The following IAPP variants were observed in gnomAD, a reference collection of about 807,000 sequenced individuals.
IAPP encodes the protein islet amyloid polypeptide.
IAPP carries 4 observed loss-of-function variants against 2.9 expected under a neutral mutation model. The ratio of observed to expected loss-of-function variants is 1.39; its 90% CI spans 0.69 to 3.19. The LOEUF (loss-of-function observed/expected upper bound fraction) is 3.19. Among genes scored for constraint, IAPP ranks in the 30% most tolerant of loss-of-function variants. The pLI is 0.01. For missense variants in IAPP, 114 were observed against 105.3 expected (o/e 1.08, Z -0.36); for synonymous variants, 40 against 42.1 (o/e 0.95, Z 0.19).
At chr12:21,370,151 G>A (rs574314249), upstream of IAPP, among the ~76,000 whole-genome samples, 2 of 151,994 alleles carry the variant, frequency 1.3e-5, no homozygotes, top group African/African-American at 4.8e-5. Context: ...TTCTGCTCCT[G>A]AGTAGCTCTG....
rs1368478122 is a variant in IAPP, at chr12:21,373,367, C to A, written c.16C>A (p.Leu6Met). Residue 6 changes from leucine (L) to methionine (M), a missense_variant, in exon 2 of 3, where the codon CTG becomes ATG. By Grantham distance (15) the Leu-to-Met change is conservative. Transcript: ENST00000240652. MGILK[L>M]QVFLIVLSVA... ...TTGAGAAGCAATGGGCATCCTGAAG[C>A]TGCAAGTATTTCTCATTGTGCTCTC... is the stretch of plus-strand genomic sequence containing the variant. 1.2e-6 allele frequency: 2 copies of A among 1,612,876 alleles called. No homozygotes were observed. Among genetic ancestry groups the A allele is most frequent in the Non-Finnish European group, 1.7e-6 (2 of 1,179,002 alleles).
upstream of IAPP, among the ~76,000 whole-genome samples, chr12:21,370,706 G>A (rs553854015): frequency 1.0e-3 from 157 of 152,206 alleles, 2 homozygotes; most frequent in African/African-American, 3.4e-3. Context: ...AACAATGTAG[G>A]TAATAAGCAA....
chr12:21,373,520 G>C (rs1291911541), intron 2 of IAPP, 89 bp downstream of exon 2: 6 of 876,082 alleles, frequency 6.8e-6, no homozygotes, highest in Admixed American at 5.3e-5. Context: ...TACAGCCTTA[G>C]ATTTCTGACT....
chr12:21,373,483 A>G (rs1390796559), intron 2 of IAPP, 52 bp downstream of exon 2: 1 of 1,229,212 alleles, frequency 8.1e-7, no homozygotes, highest in Non-Finnish European at 1.2e-6. Context: ...AGTGTGAGAA[A>G]ATTAGAATTA....
upstream of IAPP, among the ~76,000 whole-genome samples, chr12:21,371,401 A>ATT (rs71444118): frequency 6.6e-6 from 1 of 151,608 alleles, no homozygotes; most frequent in Non-Finnish European, 1.5e-5. Context: ...ATTTCTTTTG[A>ATT]TTTTTTTTCT....
At chr12:21,366,855 A>G (rs73080811) in intron 1 of IAPP, among the ~76,000 whole-genome samples, 10,398 of 152,102 alleles carry the variant, frequency 0.068, 401 homozygotes, top group Middle Eastern at 0.14. Context: ...GAGATTAAAA[A>G]TAGTGAAAAT....
upstream of IAPP, among the ~76,000 whole-genome samples, chr12:21,368,298 C>T (rs1479087572): frequency 2.0e-5 from 3 of 152,088 alleles, no homozygotes; most frequent in South Asian, 2.1e-4. Context: ...AATGATACCA[C>T]ACGTATGCCA....
intron 2 of IAPP, chr12:21,373,744 C>A (rs1565521309): frequency 2.9e-6 from 2 of 700,508 alleles, no homozygotes; most frequent in Non-Finnish European, 5.2e-6. Context: ...GTAGTAATTT[C>A]TTCTATATTA....
In IAPP at chr12:21,372,913, T is replaced by C; in HGVS notation, c.-107T>C. 5.0e-6 allele frequency: 1 copy of C among 201,150 alleles called. No homozygotes were observed. 12.5% of individuals were successfully genotyped at this position (201,150 alleles called of 1,614,324 possible). A position where few individuals can be genotyped will look rare whatever the true frequency, so the allele number is the denominator to read the frequency against. On this transcript the variant is annotated 5_prime_UTR_variant, in exon 1 of 3. Transcript: ENST00000240652. The stretch of plus-strand genomic sequence containing the variant: ...ACTAGTTAGCAAATGAGGGGGTAAA[T>C]ATTCCAGTGGATACAAGCTTGGACT...
intron 2 of IAPP, among the ~76,000 whole-genome samples, chr12:21,377,807 G>A (rs1375077032): frequency 1.3e-5 from 2 of 151,976 alleles, no homozygotes; most frequent in Non-Finnish European, 2.9e-5. Flanking sequence ...AAGTAATGCT[G>A]CTTTATTCTT....
intron 1 of IAPP, among the ~76,000 whole-genome samples, chr12:21,364,922 T>G (rs1939246202): frequency 6.6e-6 from 1 of 152,094 alleles, no homozygotes; most frequent in African/African-American, 2.4e-5. Context: ...GAAGAACATT[T>G]CATGCTCGTG....
rs117701959 is a variant in IAPP at position 21,374,743 on chromosome 12, A to C, written c.80+1312A>C. ...TCCTAGTATATCTGTTTATATCTTG[A>C]TACTTTCTTTCAATAGATATAGAAA... On this transcript the variant is annotated intron_variant, in intron 2 of 2. Coordinates refer to ENST00000240652, the MANE Select transcript of IAPP (RefSeq NM_000415.3). Among the ~76,000 whole-genome samples the C allele has an allele frequency of 3.9e-3, 589 of 152,256 alleles. 2 individuals carry two copies. Among genetic ancestry groups the C allele is most frequent in the Admixed American group, 6.5e-3 (99 of 15,288 alleles).
At chr12:21,356,734 C>T (rs1591875467) in intron 1 of IAPP, among the ~76,000 whole-genome samples, 1 of 152,002 alleles carries the variant, frequency 6.6e-6, no homozygotes, top group Middle Eastern at 3.2e-3. Flanking sequence ...CAGGCAGAAA[C>T]ATTTAAATAA....
At chr12:21,363,573 CA>C (rs530273702) in intron 1 of IAPP, among the ~76,000 whole-genome samples, 2 of 151,642 alleles carry the variant, frequency 1.3e-5, no homozygotes, top group East Asian at 3.9e-4. Flanking sequence ...GATAGAGACA[CA>C]AAAAAACCCT....
chr12:21,378,148 T>G, intron 2 of IAPP, 89 bp from the exon 3 acceptor site: 5 of 1,210,054 alleles, frequency 4.1e-6, no homozygotes, highest in Non-Finnish European at 6.0e-6. Flanking sequence ...TTCTTTGGTT[T>G]TCATCAATAC....
intron 1 of IAPP, among the ~76,000 whole-genome samples, chr12:21,360,872 T>C (rs1591879901): frequency 6.6e-6 from 1 of 151,916 alleles, no homozygotes; most frequent in Non-Finnish European, 1.5e-5. Flanking sequence ...CTTGAGAAGG[T>C]AAACAAAGCA....
At position 21,379,427 on chromosome 12, in the gene IAPP, G is replaced by A. The variant is rs773195602; in HGVS notation, c.*1001G>A. 4.6e-5 allele frequency: 7 copies of A among 152,264 alleles called. No homozygotes were observed. The highest frequency in any genetic ancestry group is 6.5e-5 in the Admixed American group (1 of 15,296). The allele number at this position is 152,264 out of a possible 1,614,324, so 9.4% of individuals were successfully genotyped here. A position where few individuals can be genotyped will look rare whatever the true frequency, so the allele number is the denominator to read the frequency against. ...GTCATATTCTTATGCAGGGTATTGCGAAACAACTTGTGTTCTATTAATCGT... is the reference window on the plus strand; with the variant it reads ...GTCATATTCTTATGCAGGGTATTGCAAAACAACTTGTGTTCTATTAATCGT... On this transcript the variant is annotated 3_prime_UTR_variant, in exon 3 of 3. Transcript: ENST00000240652.
intron 2 of IAPP, 60 bp from the exon 3 acceptor site, chr12:21,378,177 T>A: frequency 6.8e-7 from 1 of 1,460,444 alleles, no homozygotes; most frequent in Non-Finnish European, 9.6e-7. Flanking sequence ...TGATGTCACA[T>A]GGCTGGATCC....
intron 1 of IAPP, among the ~76,000 whole-genome samples, chr12:21,356,351 T>A (rs2137029406): frequency 6.6e-6 from 1 of 152,140 alleles, no homozygotes; most frequent in Admixed American, 6.5e-5. Flanking sequence ...TTAATTTACC[T>A]CCTAAAAGAA....
Sources: allele counts gnomAD v4.1 joint callset (sites outside exome capture counted in the v4.1 genomes callset), GRCh38; gene constraint gnomAD v4.1.1; transcripts MANE v1.5; gene names NCBI Gene and HGNC (gene_info 2026-07-23, HGNC 2026-07-21).